The following CTHRC1 variants were observed in gnomAD, a reference collection of about 807,000 sequenced individuals.
The protein encoded by CTHRC1 is collagen triple helix repeat-containing protein 1.
A neutral mutation model predicts 25.9 loss-of-function variants in CTHRC1; 21 were observed. The ratio of observed to expected loss-of-function variants is 0.81; its 90% CI spans 0.57 to 1.17. The LOEUF (loss-of-function observed/expected upper bound fraction) is 1.17. Among genes scored for constraint, CTHRC1 ranks in the 50% most tolerant of loss-of-function variants. The probability of loss-of-function intolerance (pLI) is 0.00; values close to 1 mark genes in which losing one functional copy is unlikely to be tolerated. For missense variants in CTHRC1, 281 were observed against 304.3 expected (o/e 0.92, Z 0.57); for synonymous variants, 109 against 113.1 (o/e 0.96, Z 0.23).
In CTHRC1 at chr8:103,376,038, AT is replaced by A. The variant is rs540047490; in HGVS notation, c.372+88del. ...AGTGTTAATTTTTAGGTGACATTTT[AT>A]TTTTTTTTAACTAAAAGACTTAAAA... On this transcript the variant is annotated intron_variant, in intron 2 of 3. Coordinates refer to ENST00000330295, the MANE Select transcript of CTHRC1 (RefSeq NM_138455.4). The A allele has an allele frequency of 1.4e-3, 1,541 of 1,103,550 alleles. 3 individuals are homozygous for A. Among genetic ancestry groups the A allele is most frequent in the African/African-American group, 7.5e-3 (473 of 63,300 alleles). The allele number at this position is 1,103,550 out of a possible 1,614,324, so 68.4% of individuals were successfully genotyped here.
chr8:103,378,186 T>C lies in CTHRC1; in HGVS notation c.532T>C (p.Leu178=), dbSNP rs1815843474. The change falls in exon 3 of 4, where the codon TTG becomes CTG. Residue 178 remains leucine, a synonymous_variant. Coordinates refer to ENST00000330295, the MANE Select transcript of CTHRC1 (RefSeq NM_138455.4). ...GPLPIEAIIY[L]DQGSPEMNST... The stretch of plus-strand genomic sequence containing the variant: ...TCTTCCCATTGAAGCTATAATTTAT[T>C]TGGACCAAGGAAGCCCTGAAATGAA... 4 of 1,614,046 alleles carry C rather than the reference T, an allele frequency of 2.5e-6. No homozygotes were observed. In the South Asian group the frequency reaches 3.3e-5, roughly 13 times the overall value.
chr8:103,372,012 AG>A (rs1815713419), intron 1 of CTHRC1, among the ~76,000 whole-genome samples: 2 of 152,164 alleles, frequency 1.3e-5, no homozygotes, highest in South Asian at 4.1e-4. Flanking sequence ...TGGAACTCAG[AG>A]GGGAGACCAA....
At position 103,371,729 on chromosome 8, in the gene CTHRC1, C is replaced by G; in HGVS notation, c.73C>G (p.Pro25Ala). ...CCTGCTGCTCCTGCTGCTGCAGCTG[C>G]CCGCGCCGTCGAGCGCCTCTGAGAT... ...GLLLLLLLQLPAPSSASEIPK... is the reference protein window; with the variant it reads ...GLLLLLLLQLAAPSSASEIPK... The change falls in exon 1 of 4, where the codon CCC (proline) becomes GCC (alanine). Residue 25 changes from proline (P) to alanine (A), a missense_variant. Physicochemically the swap from Pro to Ala is conservative, Grantham distance 27. Coordinates refer to ENST00000330295, the MANE Select transcript of CTHRC1 (RefSeq NM_138455.4). The G allele has an allele frequency of 6.5e-7, 1 of 1,535,794 alleles. No individual in the cohort carries two copies. The highest frequency in any genetic ancestry group is 8.8e-7 in the Non-Finnish European group (1 of 1,141,792).
rs387907029 is a variant in CTHRC1, at chr8:103,371,787, A to C, written c.131A>C (p.Gln44Pro). 1.0e-4 allele frequency: 154 copies of C among 1,533,038 alleles called. No individual in the cohort carries two copies. Among genetic ancestry groups the C allele is most frequent in the Non-Finnish European group, 1.3e-4 (151 of 1,139,526 alleles). 95.0% of individuals were successfully genotyped at this position (1,533,038 alleles called of 1,614,324 possible). A position where few individuals can be genotyped will look rare whatever the true frequency, so the allele number is the denominator to read the frequency against. ...GGGAAGCAAAAGGCGCAGCTCCGGC[A>C]GAGGGAGGTGGTGGACCTGGTGAGT... ...PKGKQKAQLR[Q>P]REVVDLYNGM... The change falls in exon 1 of 4, where the codon CAG becomes CCG. Residue 44 changes from glutamine (Q) to proline (P), a missense_variant. Gln to Pro is a moderately conservative substitution (Grantham distance 76, BLOSUM62 -1). Coordinates refer to ENST00000330295, the MANE Select transcript of CTHRC1 (RefSeq NM_138455.4).
At chr8:103,375,669 T>A in intron 1 of CTHRC1, 69 bp from the exon 2 acceptor site, 1 of 1,342,686 alleles carries the variant, frequency 7.4e-7, no homozygotes, top group Admixed American at 1.7e-5. Flanking sequence ...ATAAATGCAT[T>A]TCTAATCATA....
At chr8:103,371,932 T>C in intron 1 of CTHRC1, 126 bp downstream of exon 1, 1 of 947,168 alleles carries the variant, frequency 1.1e-6, no homozygotes, top group Non-Finnish European at 1.5e-6. Flanking sequence ...GTCGTGTGTC[T>C]TGCTGCGCCG....
intron 3 of CTHRC1, among the ~76,000 whole-genome samples, chr8:103,379,735 A>T (rs752387135): frequency 1.3e-5 from 2 of 152,122 alleles, no homozygotes; most frequent in Non-Finnish European, 2.9e-5. Flanking sequence ...GGAGGAGATA[A>T]TCTCACTCTT....
intron 1 of CTHRC1, among the ~76,000 whole-genome samples, chr8:103,373,494 G>A (rs1815750192): frequency 6.6e-6 from 1 of 151,238 alleles, no homozygotes; most frequent in African/African-American, 2.4e-5. Context: ...GCATATGTTG[G>A]GTTAGCATTT....
intron 1 of CTHRC1, 105 bp downstream of exon 1, chr8:103,371,911 T>A: frequency 4.4e-6 from 5 of 1,146,776 alleles, no homozygotes; most frequent in Non-Finnish European, 6.0e-6. Context: ...TGTCTGTCTG[T>A]ACAGCTGTGT....
chr8:103,373,254 C>G (rs903107220), intron 1 of CTHRC1, among the ~76,000 whole-genome samples: 3 of 152,188 alleles, frequency 2.0e-5, no homozygotes, highest in African/African-American at 7.2e-5. Flanking sequence ...GGCTCAGGTG[C>G]ATCCTGTAGG....
At chr8:103,372,309 C>T (rs1815722450) in intron 1 of CTHRC1, 4 of 686,314 alleles carry the variant, frequency 5.8e-6, no homozygotes, top group African/African-American at 1.8e-5. Flanking sequence ...ATAACAACCC[C>T]CACAAAGCAT....
At chr8:103,372,649 T>C (rs1815728822) in intron 1 of CTHRC1, 2 of 1,597,954 alleles carry the variant, frequency 1.3e-6, no homozygotes, top group Non-Finnish European at 1.7e-6. Context: ...CAGGGGCTCA[T>C]CTGTGGGAAG....
At position 103,371,745 on chromosome 8, in the gene CTHRC1, CCT is replaced by C; in HGVS notation, c.92_93del (p.Ser31Ter). 1 of 1,536,872 alleles carries C rather than the reference CCT, an allele frequency of 6.5e-7. No homozygotes were observed. Among genetic ancestry groups the C allele is most frequent in the Non-Finnish European group, 8.8e-7 (1 of 1,142,362 alleles). ...CTGCAGCTGCCCGCGCCGTCGAGCGCCTCTGAGATCCCCAAGGGGAAGCAAAA... is the reference window on the plus strand; with the variant it reads ...CTGCAGCTGCCCGCGCCGTCGAGCGCCTGAGATCCCCAAGGGGAAGCAAAA... On this transcript the variant is annotated frameshift_variant, in exon 1 of 4. Coordinates refer to ENST00000330295, the MANE Select transcript of CTHRC1 (RefSeq NM_138455.4). LOFTEE classifies it high-confidence loss of function.
intron 1 of CTHRC1, chr8:103,372,327 A>G (rs371936414): frequency 2.4e-6 from 2 of 834,774 alleles, no homozygotes; most frequent in African/African-American, 1.7e-5. Context: ...CATCCGTCCA[A>G]CTCTTTGTAA....
chr8:103,371,918 G>A, intron 1 of CTHRC1, 112 bp downstream of exon 1: 1 of 1,043,116 alleles, frequency 9.6e-7, no homozygotes, highest in Non-Finnish European at 1.3e-6. Flanking sequence ...CTGTACAGCT[G>A]TGTGTCGTGT....
At chr8:103,372,841 AT>A (rs146221155) in intron 1 of CTHRC1, among the ~76,000 whole-genome samples, 7,824 of 151,212 alleles carry the variant, frequency 0.052, 221 homozygotes, top group East Asian at 0.11. Context: ...AAGTTGGGGC[AT>A]TTTTTTTTAA....
chr8:103,381,273 G>A (rs1425332129), intron 3 of CTHRC1, among the ~76,000 whole-genome samples: 1 of 148,752 alleles, frequency 6.7e-6, no homozygotes, highest in Non-Finnish European at 1.5e-5. Flanking sequence ...CAGGCCCGGG[G>A]TGTGATGTTC....
chr8:103,378,315 G>A, intron 3 of CTHRC1, 72 bp downstream of exon 3: 1 of 1,235,636 alleles, frequency 8.1e-7, no homozygotes, highest in Non-Finnish European at 1.2e-6. Context: ...CCACTATCAT[G>A]TTGGTTCACT....
rs1815930066 is a variant in CTHRC1 at position 103,382,453 on chromosome 8, T to G, written c.590-5T>G. The G allele has an allele frequency of 6.2e-7, 1 of 1,613,712 alleles. No individual in the cohort carries two copies. ...AAAGATGTAACTTTCATCTTTGTCTTGCAGTGGAAGGACTTTGTGAAGGAA... is the reference window on the plus strand; with the variant it reads ...AAAGATGTAACTTTCATCTTTGTCTGGCAGTGGAAGGACTTTGTGAAGGAA... On this transcript the variant is annotated splice_polypyrimidine_tract_variant and splice_region_variant and intron_variant, in intron 3 of 3. Transcript: ENST00000330295.
Sources: gnomAD v4.1 joint callset for allele counts (sites outside exome capture counted in the v4.1 genomes callset) on GRCh38, gnomAD v4.1.1 for gene constraint, MANE v1.5 for transcripts, NCBI Gene and HGNC (gene_info 2026-07-23, HGNC 2026-07-21) for gene names.